Variants in TCAF1 observed in about 807,000 individuals in gnomAD.
The protein encoded by TCAF1 is TRPM8 channel associated factor 1.
Under a neutral mutation model 27.3 loss-of-function variants are expected in TCAF1, and 4 were observed. That is an observed-to-expected ratio of 0.15 (90% CI 0.07 to 0.34). The LOEUF is 0.34. Among genes scored for constraint, TCAF1 ranks in the 10% least tolerant of loss-of-function variants. The probability of loss-of-function intolerance (pLI) is 1.00; values close to 1 mark genes in which losing one functional copy is unlikely to be tolerated. For missense variants in TCAF1, 257 were observed against 425.8 expected, an observed-to-expected ratio of 0.60 and a Z score of 3.49; for synonymous variants, 105 against 167.1, an observed-to-expected ratio of 0.63 and a Z score of 2.87.
intron 1 of TCAF1, among the ~76,000 whole-genome samples, chr7:143,888,969 A>G (rs1813532604): frequency 2.6e-5 from 4 of 152,192 alleles, no homozygotes; most frequent in Non-Finnish European, 5.9e-5. Context: ...AATTGTATTT[A>G]TAAAAAAGAA....
intron 1 of TCAF1, among the ~76,000 whole-genome samples, chr7:143,897,454 C>T (rs2116872783): frequency 6.6e-6 from 1 of 151,922 alleles, no homozygotes; most frequent in South Asian, 2.1e-4. Context: ...ATGTGTTAAT[C>T]AACTGCTTAT....
At chr7:143,888,962 T>G (rs1813532281) in intron 1 of TCAF1, among the ~76,000 whole-genome samples, 1 of 151,874 alleles carries the variant, frequency 6.6e-6, no homozygotes, top group Non-Finnish European at 1.5e-5. Flanking sequence ...AGAAAATAAT[T>G]GTATTTATAA....
intron 1 of TCAF1, among the ~76,000 whole-genome samples, chr7:143,892,514 T>G (rs970886628): frequency 6.7e-6 from 1 of 150,276 alleles, no homozygotes; most frequent in Non-Finnish European, 1.5e-5. Flanking sequence ...TGCAAATTGG[T>G]AGACTTTAAC....
At chr7:143,896,703 T>A (rs550171783) in intron 1 of TCAF1, among the ~76,000 whole-genome samples, 2 of 152,132 alleles carry the variant, frequency 1.3e-5, no homozygotes, top group South Asian at 4.1e-4. Flanking sequence ...AAAATTCATG[T>A]CTCAAAGAAC....
At position 143,875,970 on chromosome 7, in the gene TCAF1, A is replaced by T; in HGVS notation, c.620+19T>A. Reference sequence around the variant, plus strand: ...TTTTCAACCCTGGAGCCAACTCCCCAGTGGGGTAACATACTCACCTAACCA... The same window carrying T: ...TTTTCAACCCTGGAGCCAACTCCCCTGTGGGGTAACATACTCACCTAACCA... On this transcript the variant is annotated intron_variant, in intron 2 of 8. Transcript: ENST00000479870. The T allele has an allele frequency of 6.6e-7, 1 of 1,522,728 alleles. No individual in the cohort carries two copies. Among genetic ancestry groups the T allele is most frequent in the Non-Finnish European group, 8.8e-7 (1 of 1,136,134 alleles). The allele number at this position is 1,522,728 out of a possible 1,614,324, so 94.3% of individuals were successfully genotyped here. A position where few individuals can be genotyped will look rare whatever the true frequency, so the allele number is the denominator to read the frequency against.
chr7:143,871,276 A>G (rs1284751736), intron 2 of TCAF1, among the ~76,000 whole-genome samples: 17 of 145,224 alleles, frequency 1.2e-4, no homozygotes, highest in Admixed American at 7.1e-5. Flanking sequence ...AGTAAATACT[A>G]AAAAAAAACT....
chr7:143,883,662 C>G (rs1431637016), intron 1 of TCAF1, among the ~76,000 whole-genome samples: 1 of 152,144 alleles, frequency 6.6e-6, no homozygotes, highest in East Asian at 1.9e-4. Flanking sequence ...CCCGCCATCA[C>G]GCCTGGCTAA....
At chr7:143,868,302 G>T in intron 2 of TCAF1, among the ~76,000 whole-genome samples, 1 of 141,528 alleles carries the variant, frequency 7.1e-6, no homozygotes, top group African/African-American at 2.6e-5. Context: ...TCATAATTTG[G>T]GTTCTATTTT....
chr7:143,891,600 C>A (rs988262418), intron 1 of TCAF1, among the ~76,000 whole-genome samples: 1 of 151,840 alleles, frequency 6.6e-6, no homozygotes, highest in Non-Finnish European at 1.5e-5. Flanking sequence ...AAACATGATA[C>A]ACAAAGAGAT....
At chr7:143,897,900 T>TAATACC (rs1813960463) in intron 1 of TCAF1, among the ~76,000 whole-genome samples, 4 of 152,090 alleles carry the variant, frequency 2.6e-5, no homozygotes, top group African/African-American at 7.2e-5. Context: ...CAGAAAAGGA[T>TAATACC]AGTACAGAAA....
intron 2 of TCAF1, among the ~76,000 whole-genome samples, chr7:143,875,471 T>C (rs910387780): frequency 6.6e-6 from 1 of 152,166 alleles, no homozygotes; most frequent in Non-Finnish European, 1.5e-5. Context: ...CTTTTGCCCC[T>C]CCTAAATCCT....
At chr7:143,892,997 T>G (rs1250727488) in intron 1 of TCAF1, among the ~76,000 whole-genome samples, 3 of 152,048 alleles carry the variant, frequency 2.0e-5, no homozygotes, top group African/African-American at 7.2e-5. Context: ...ATATAAATAA[T>G]TATACTAAAT....
rs917081248 is a variant in TCAF1 at position 143,890,109 on chromosome 7, C to T, written c.-15+11852G>A. The stretch of plus-strand genomic sequence containing the variant: ...GTTCACGCCATTCTCCTGCCTCAGC[C>T]TCCCGAGTAGCTGGGACTACAGGCA... On this transcript the variant is annotated intron_variant, in intron 1 of 8. Transcript: ENST00000479870. Among the ~76,000 whole-genome samples, 31 of 152,252 alleles carry T rather than the reference C, an allele frequency of 2.0e-4. 1 individual carries two copies. Among genetic ancestry groups the T allele is most frequent in the African/African-American group, 7.2e-4 (30 of 41,560 alleles).
chr7:143,890,312 T>C (rs1813585493), intron 1 of TCAF1, among the ~76,000 whole-genome samples: 2 of 152,178 alleles, frequency 1.3e-5, no homozygotes, highest in African/African-American at 4.8e-5. Flanking sequence ...AATGTAAAAA[T>C]ACTGTATCTA....
rs778810505 is a variant in TCAF1 at position 143,857,360 on chromosome 7, GA to G, written c.2506-11del. 95 of 699,778 alleles carry G rather than the reference GA, an allele frequency of 1.4e-4. No homozygotes were observed. The highest frequency in any genetic ancestry group is 7.8e-4 in the Middle Eastern group (2 of 2,574). The allele number at this position is 699,778 out of a possible 1,614,324, so 43.3% of individuals were successfully genotyped here. On this transcript the variant is annotated splice_polypyrimidine_tract_variant and intron_variant, in intron 7 of 8. Coordinates refer to ENST00000479870, the MANE Select transcript of TCAF1 (RefSeq NM_014719.3). ...CAAAGGCTTCCTGGAGCTGGGAAGAGAAAGAAAAATACAGATCAGATTTGGA... is the reference window on the plus strand; with the variant it reads ...CAAAGGCTTCCTGGAGCTGGGAAGAGAAGAAAAATACAGATCAGATTTGGA...
rs1207077213 is a variant in TCAF1, at chr7:143,884,657, GTAAGGGATGCAAGC to G, written c.-14-8049_-14-8036del. ...AATAATAAAGGACAAAATATACAAG[GTAAGGGATGCAAGC>G]TAACTTACCTCTCAGGATGGGGGCA... On this transcript the variant is annotated intron_variant, in intron 1 of 8. Transcript: ENST00000479870. Among the ~76,000 whole-genome samples, 10 of 150,476 alleles carry G rather than the reference GTAAGGGATGCAAGC, an allele frequency of 6.6e-5. No homozygotes were observed. In the East Asian group the frequency reaches 2.0e-3, roughly 30 times the overall value.
intron 6 of TCAF1, among the ~76,000 whole-genome samples, chr7:143,859,981 T>TAATATATATTATATATTATA (rs1811869901): frequency 2.3e-5 from 1 of 43,504 alleles, no homozygotes; most frequent in Non-Finnish European, 4.0e-5. Flanking sequence ...ATAATATATA[T>TAATATATATTATATATTATA]TATATAATAT....
chr7:143,897,447 T>C (rs1048481204), intron 1 of TCAF1, among the ~76,000 whole-genome samples: 22 of 151,992 alleles, frequency 1.4e-4, no homozygotes, highest in Admixed American at 1.4e-3. Context: ...ATAAAACATG[T>C]GTTAATCAAC....
At chr7:143,895,110 A>C (rs1044366818) in intron 1 of TCAF1, among the ~76,000 whole-genome samples, 1 of 151,878 alleles carries the variant, frequency 6.6e-6, no homozygotes, top group African/African-American at 2.4e-5. Context: ...TGATGAACTT[A>C]TATATATTTC....
Sources: allele counts gnomAD v4.1 joint callset (sites outside exome capture counted in the v4.1 genomes callset), GRCh38; gene constraint gnomAD v4.1.1; transcripts MANE v1.5; gene names NCBI Gene and HGNC (gene_info 2026-07-23, HGNC 2026-07-21).